The following SLC17A5 variants were observed in gnomAD, a reference collection of about 807,000 sequenced individuals.
SLC17A5 encodes solute carrier family 17 member 5.
A neutral mutation model predicts 59.4 loss-of-function variants in SLC17A5; 47 were observed. That is an observed-to-expected ratio of 0.79 (90% CI 0.63 to 1.01). The LOEUF (loss-of-function observed/expected upper bound fraction) is 1.01. SLC17A5 is among the 50% of genes least tolerant of loss of function. SLC17A5 has a pLI of 0.00. For missense variants in SLC17A5, 522 were observed against 595.5 expected, an observed-to-expected ratio of 0.88 and a Z score of 1.28; for synonymous variants, 202 against 210.7, an observed-to-expected ratio of 0.96 and a Z score of 0.36.
At chr6:73,609,226 T>G (rs1324786365) in intron 9 of SLC17A5, among the ~76,000 whole-genome samples, 2 of 152,238 alleles carry the variant, frequency 1.3e-5, no homozygotes, top group South Asian at 4.1e-4. Context: ...CTTATTTACC[T>G]TGTCAGCTGG....
chr6:73,604,671 A>AGGAGGATTGCT (rs1464120480), intron 9 of SLC17A5, among the ~76,000 whole-genome samples: 27 of 152,246 alleles, frequency 1.8e-4, no homozygotes, highest in African/African-American at 6.3e-4. Flanking sequence ...GGAGGATTGC[A>AGGAGGATTGCT]GGAGGATTGC....
At chr6:73,632,460 T>TTTTTTTA (rs1561996481) in intron 6 of SLC17A5, among the ~76,000 whole-genome samples, 4 of 125,686 alleles carry the variant, frequency 3.2e-5, no homozygotes, top group Admixed American at 9.1e-5. Flanking sequence ...TTTTTTTTTT[T>TTTTTTTA]AAGACAGGGT....
At chr6:73,638,572 A>G (rs1307768709) in intron 3 of SLC17A5, 73 bp from the exon 4 acceptor site, 14 of 1,189,848 alleles carry the variant, frequency 1.2e-5, no homozygotes, top group Non-Finnish European at 1.6e-5. Flanking sequence ...TAAGTTAAGT[A>G]TTTTGCTACA....
chr6:73,638,185 T>C (rs1193585081), intron 4 of SLC17A5, among the ~76,000 whole-genome samples: 1 of 151,982 alleles, frequency 6.6e-6, no homozygotes, highest in African/African-American at 2.4e-5. Flanking sequence ...TACTTTGAAA[T>C]AGATGATGGC....
At chr6:73,638,274 T>A in intron 4 of SLC17A5, 138 bp downstream of exon 4, 1 of 677,734 alleles carries the variant, frequency 1.5e-6, no homozygotes, top group South Asian at 1.7e-5. Flanking sequence ...GGTAATAAAG[T>A]TATACTACCG....
chr6:73,631,146 G>T (rs1263455240), intron 6 of SLC17A5, among the ~76,000 whole-genome samples: 2 of 151,190 alleles, frequency 1.3e-5, no homozygotes, highest in Non-Finnish European at 2.9e-5. Context: ...CTGTTGAACC[G>T]AAACCAGGCC....
intron 10 of SLC17A5, among the ~76,000 whole-genome samples, chr6:73,597,605 T>A (rs1766875330): frequency 6.6e-6 from 1 of 151,926 alleles, no homozygotes; most frequent in South Asian, 2.1e-4. Flanking sequence ...GGCAAGGTGG[T>A]GAAACCCCAT....
intron 6 of SLC17A5, among the ~76,000 whole-genome samples, chr6:73,623,490 A>T (rs147739169): frequency 7.1e-4 from 107 of 150,928 alleles, no homozygotes; most frequent in Non-Finnish European, 1.4e-3. Flanking sequence ...GTGCACCACC[A>T]CATCTGGCTA....
intron 9 of SLC17A5, among the ~76,000 whole-genome samples, chr6:73,601,112 G>A (rs554591988): frequency 4.7e-4 from 71 of 150,290 alleles, no homozygotes; most frequent in African/African-American, 1.6e-3. Context: ...GCCTCTTCCC[G>A]GCAGCCATCC....
chr6:73,600,691 G>A (rs1217047466), intron 9 of SLC17A5, among the ~76,000 whole-genome samples: 6 of 151,832 alleles, frequency 4.0e-5, no homozygotes, highest in Non-Finnish European at 8.8e-5. Flanking sequence ...AGTAGAGCCG[G>A]TGTCTCACCA....
chr6:73,622,648 TA>T (rs1289129676), intron 6 of SLC17A5, among the ~76,000 whole-genome samples: 1 of 152,134 alleles, frequency 6.6e-6, no homozygotes, highest in African/African-American at 2.4e-5. Context: ...GACATAAGGA[TA>T]AAGGAAAGAG....
intron 7 of SLC17A5, among the ~76,000 whole-genome samples, chr6:73,616,062 T>G (rs764798481): frequency 6.6e-6 from 1 of 151,974 alleles, no homozygotes. Context: ...ATTTTTGTAT[T>G]TTTATTAGAG....
intron 6 of SLC17A5, among the ~76,000 whole-genome samples, chr6:73,629,410 C>A (rs9446954): frequency 0.16 from 24,846 of 151,668 alleles, 3,133 homozygotes; most frequent in African/African-American, 0.35. Context: ...AAACAACACA[C>A]AAACAAAAAC....
intron 1 of SLC17A5, among the ~76,000 whole-genome samples, chr6:73,648,475 T>C (rs1458278777): frequency 6.6e-6 from 1 of 152,206 alleles, no homozygotes; most frequent in Non-Finnish European, 1.5e-5. Context: ...AATGAATCTG[T>C]TTCTGATTTT....
At chr6:73,639,978 G>A (rs1244919614) in intron 3 of SLC17A5, among the ~76,000 whole-genome samples, 3 of 152,154 alleles carry the variant, frequency 2.0e-5, no homozygotes, top group Non-Finnish European at 2.9e-5. Context: ...CTCAGGAAGC[G>A]GAGGTTGCAG....
chr6:73,609,611 G>C (rs1741894), intron 9 of SLC17A5, among the ~76,000 whole-genome samples: 1 of 152,062 alleles, frequency 6.6e-6, no homozygotes, highest in South Asian at 2.1e-4. Flanking sequence ...GTGCCATGGA[G>C]AGCCCTGAGG....
intron 7 of SLC17A5, 92 bp downstream of exon 7, chr6:73,621,712 T>G: frequency 2.9e-6 from 3 of 1,036,752 alleles, no homozygotes; most frequent in Non-Finnish European, 4.3e-6. Context: ...AAATGGAAGA[T>G]ACAGAATAAC....
chr6:73,630,663 C>G (rs546877969), intron 6 of SLC17A5, among the ~76,000 whole-genome samples: 1 of 152,020 alleles, frequency 6.6e-6, no homozygotes, highest in East Asian at 1.9e-4. Flanking sequence ...ACCTTATGCA[C>G]GAGAGCAACA....
chr6:73,617,265 A>AC (rs1767916948), intron 7 of SLC17A5, among the ~76,000 whole-genome samples: 1 of 151,488 alleles, frequency 6.6e-6, no homozygotes, highest in African/African-American at 2.4e-5. Context: ...CAGTCAGTCC[A>AC]GCATGGGTGA....
Sources: gnomAD v4.1 joint callset for allele counts (sites outside exome capture counted in the v4.1 genomes callset) on GRCh38, gnomAD v4.1.1 for gene constraint, MANE v1.5 for transcripts, NCBI Gene and HGNC (gene_info 2026-07-23, HGNC 2026-07-21) for gene names.